The following SCT variants were observed in gnomAD, a reference collection of about 807,000 sequenced individuals.
The protein encoded by SCT is prepro-secretin.
In SCT, 17 loss-of-function variants were observed where a neutral mutation model predicts 10.9. That is an observed-to-expected ratio of 1.55 (90% CI 1.06 to 2.33). The LOEUF (loss-of-function observed/expected upper bound fraction) is 2.33, where lower values mean the gene tolerates loss of function less well. Ranked by LOEUF, SCT falls within the 30% of genes most tolerant of loss-of-function variation. The pLI is 0.00. For synonymous variants in SCT, 96 were observed against 73.9 expected, an observed-to-expected ratio of 1.30 and a Z score of -1.54; for missense variants, 230 against 165.9, an observed-to-expected ratio of 1.39 and a Z score of -2.12.
chr11:626,792 GC>G lies in SCT; in HGVS notation c.174-4del, dbSNP rs979298388. 1.3e-6 allele frequency: 2 copies of G among 1,548,970 alleles called. No homozygotes were observed. Among genetic ancestry groups the G allele is most frequent in the Non-Finnish European group, 1.7e-6 (2 of 1,145,796 alleles). On this transcript the variant is annotated splice_region_variant and splice_polypyrimidine_tract_variant and intron_variant, in intron 2 of 3. Transcript: ENST00000176195. ...TGCTGTTCTCTGCGTCCTGCTCGCT[GC>G]CCCCCGCCCCAAAACAGAGTTAGTC...
chr11:626,439 G>A lies in SCT; in HGVS notation c.358C>T (p.Pro120Ser). 1 of 1,552,284 alleles carries A rather than the reference G, an allele frequency of 6.4e-7. No homozygotes were observed. Among genetic ancestry groups the A allele is most frequent in the Non-Finnish European group, 8.7e-7 (1 of 1,147,380 alleles). Reference protein sequence around the residue: ...AGAAAEGTLRPR With the variant: ...AGAAAEGTLRSR ...GTGAGGGGGTTCCTTCCTCATCTGG[G>A]CCGCAAGGTTCCTTCTGCAGCAGCG... is the stretch of plus-strand genomic sequence containing the variant. Residue 120 changes from proline (P) to serine (S), a missense_variant, in exon 4 of 4, where the codon CCC (proline) becomes TCC (serine). Physicochemically the swap from Pro to Ser is moderately conservative, Grantham distance 74 (BLOSUM62 -1). Coordinates refer to ENST00000176195, the MANE Select transcript of SCT (RefSeq NM_021920.4).
At chr11:626,617 G>A in intron 3 of SCT, 80 bp downstream of exon 3, 2 of 1,474,412 alleles carry the variant, frequency 1.4e-6, no homozygotes, top group Non-Finnish European at 1.9e-6. Context: ...GGCCACCAGC[G>A]CTGACCCGGG....
rs1432935180 is a variant in SCT, at chr11:626,826, T to TG, written c.174-38dup. Reference sequence around the variant, plus strand: ...CCCAAAACAGAGTTAGTCCTGGAGCTGGGGGGTCGCGCGTTGCTGCTGGGG... The same window carrying TG: ...CCCAAAACAGAGTTAGTCCTGGAGCTGGGGGGGTCGCGCGTTGCTGCTGGGG... On this transcript the variant is annotated intron_variant, in intron 2 of 3. Coordinates refer to ENST00000176195, the MANE Select transcript of SCT (RefSeq NM_021920.4). 1.1e-5 allele frequency: 17 copies of TG among 1,545,974 alleles called. No homozygotes were observed. In the East Asian group the frequency reaches 1.2e-4, roughly 11 times the overall value.
In SCT at chr11:627,076, GGGGGCGC is replaced by G. The variant is rs1160165144; in HGVS notation, c.61_67del (p.Ala21ProfsTer134). On this transcript the variant is annotated frameshift_variant, in exon 1 of 4. Transcript: ENST00000176195. LOFTEE classifies it high-confidence loss of function. ...GCGGGCCTGGCGGGCGGCTCACCTG[GGGGGCGC>G]GGGGCGCGCGGCGGAGCCCCCGAGG... The G allele has an allele frequency of 9.6e-6, 11 of 1,143,418 alleles. No homozygotes were observed. The highest frequency in any genetic ancestry group is 1.6e-5 in the African/African-American group (1 of 61,118). The allele number at this position is 1,143,418 out of a possible 1,614,324, so 70.8% of individuals were successfully genotyped here. A position where few individuals can be genotyped will look rare whatever the true frequency, so the allele number is the denominator to read the frequency against.
Position 626,964 on chromosome 11 carries a change from A to G in SCT, c.97T>C (p.Phe33Leu), listed in dbSNP as rs766277293. The G allele has an allele frequency of 1.1e-5, 16 of 1,454,854 alleles. No homozygotes were observed. The South Asian group carries it at 1.4e-4, about 13-fold the overall frequency. The allele number at this position is 1,454,854 out of a possible 1,614,324, so 90.1% of individuals were successfully genotyped here. A position where few individuals can be genotyped will look rare whatever the true frequency, so the allele number is the denominator to read the frequency against. ...PRARRHSDGT[F>L]TSELSRLREG... Reference sequence around the variant, plus strand: ...CGCAGGCGGCTGAGCTCGCTGGTGAACGTCCCGTCTGAGTGTCGCCGGGCC... The same window carrying G: ...CGCAGGCGGCTGAGCTCGCTGGTGAGCGTCCCGTCTGAGTGTCGCCGGGCC... Residue 33 changes from phenylalanine (F) to leucine (L), a missense_variant, in exon 2 of 4, where the codon TTC becomes CTC. By Grantham distance (22) the Phe-to-Leu change is conservative. Transcript: ENST00000176195.
Position 626,488 on chromosome 11 carries a change from CCCAGGGGGCAG to C in SCT, c.298_308del (p.Leu100AlafsTer?). The C allele has an allele frequency of 6.4e-7, 1 of 1,560,776 alleles. No homozygotes were observed. On this transcript the variant is annotated frameshift_variant, in exon 4 of 4. Coordinates refer to ENST00000176195, the MANE Select transcript of SCT (RefSeq NM_021920.4). LOFTEE classifies it low-confidence loss of function (END_TRUNC). Reference sequence around the variant, plus strand: ...CGCCAGCTGGTTCTGAAACCATAGGCCCAGGGGGCAGCCAGGGAGACCAGGTCCCGTCCAGG... The same window carrying C: ...CGCCAGCTGGTTCTGAAACCATAGGCCCAGGGAGACCAGGTCCCGTCCAGG...
chr11:626,939 C>G lies in SCT; in HGVS notation c.122G>C (p.Arg41Pro), dbSNP rs1266249409. ...CAGCCGCTGGAGCCGCGCGCCCTCC[C>G]GCAGGCGGCTGAGCTCGCTGGTGAA... Reference protein sequence around the residue: ...GTFTSELSRLREGARLQRLLQ... With the variant: ...GTFTSELSRLPEGARLQRLLQ... Residue 41 changes from arginine to proline, a missense_variant, in exon 2 of 4, where the codon CGG becomes CCG. By Grantham distance (103) the Arg-to-Pro change is moderately radical (BLOSUM62 -2). Coordinates refer to ENST00000176195, the MANE Select transcript of SCT (RefSeq NM_021920.4). 3 of 1,535,616 alleles carry G rather than the reference C, an allele frequency of 2.0e-6. No individual in the cohort carries two copies. The highest frequency in any genetic ancestry group is 2.6e-6 in the Non-Finnish European group (3 of 1,145,766).
rs952364068 is a variant in SCT at position 627,076 on chromosome 11, G to C, written c.68C>G (p.Pro23Arg). The change falls in exon 1 of 4, where the codon CCC becomes CGC. Residue 23 changes from proline (P) to arginine (R), a missense_variant. Transcript: ENST00000176195. ...LGGSAARPAPPRARRHSDGTF... is the reference protein window; with the variant it reads ...LGGSAARPAPRRARRHSDGTF... The stretch of plus-strand genomic sequence containing the variant: ...GCGGGCCTGGCGGGCGGCTCACCTG[G>C]GGGGCGCGGGGCGCGCGGCGGAGCC... 8.7e-7 allele frequency: 1 copy of C among 1,143,410 alleles called. No individual in the cohort carries two copies. The highest frequency in any genetic ancestry group is 1.6e-5 in the African/African-American group (1 of 61,118). 70.8% of individuals were successfully genotyped at this position (1,143,410 alleles called of 1,614,324 possible). A position where few individuals can be genotyped will look rare whatever the true frequency, so the allele number is the denominator to read the frequency against.
At position 626,790 on chromosome 11, in the gene SCT, C is replaced by A; in HGVS notation, c.174-1G>T. 1 of 1,549,430 alleles carries A rather than the reference C, an allele frequency of 6.5e-7. No individual in the cohort carries two copies. Among genetic ancestry groups the A allele is most frequent in the Admixed American group, 2.0e-5 (1 of 50,952 alleles). ...CATGCTGTTCTCTGCGTCCTGCTCG[C>A]TGCCCCCCGCCCCAAAACAGAGTTA... On this transcript the variant is annotated splice_acceptor_variant, in intron 2 of 3. Coordinates refer to ENST00000176195, the MANE Select transcript of SCT (RefSeq NM_021920.4). LOFTEE classifies it high-confidence loss of function.
At position 626,784 on chromosome 11, in the gene SCT, T is replaced by C; in HGVS notation, c.179A>G (p.Gln60Arg). ...LQGLVGKRSE[Q>R]DAENSMAWTR... ...CCAGGCCATGCTGTTCTCTGCGTCC[T>C]GCTCGCTGCCCCCCGCCCCAAAACA... Residue 60 changes from glutamine to arginine, a missense_variant, in exon 3 of 4, where the codon CAG becomes CGG. By Grantham distance (43) the Gln-to-Arg change is conservative. Coordinates refer to ENST00000176195, the MANE Select transcript of SCT (RefSeq NM_021920.4). 1 of 1,549,658 alleles carries C rather than the reference T, an allele frequency of 6.5e-7. No individual in the cohort carries two copies. Among genetic ancestry groups the C allele is most frequent in the Non-Finnish European group, 8.7e-7 (1 of 1,146,252 alleles).
Position 626,445 on chromosome 11 carries a change from A to G in SCT, c.352T>C (p.Leu118=). ...GGGTTCCTTCCTCATCTGGGCCGCA[A>G]GGTTCCTTCTGCAGCAGCGCCAGCT... ...EPAGAAAEGT[L]RPR Residue 118 remains leucine (L), a synonymous_variant, in exon 4 of 4, where the codon TTG becomes CTG. Coordinates refer to ENST00000176195, the MANE Select transcript of SCT (RefSeq NM_021920.4). The G allele has an allele frequency of 1.3e-6, 2 of 1,553,172 alleles. No homozygotes were observed. Among genetic ancestry groups the G allele is most frequent in the Non-Finnish European group, 1.7e-6 (2 of 1,147,874 alleles).
At chr11:626,565 G>A in intron 3 of SCT, 35 bp from the exon 4 acceptor site, 4 of 1,525,128 alleles carry the variant, frequency 2.6e-6, no homozygotes, top group Non-Finnish European at 3.6e-6. Context: ...TGAGGGCTGG[G>A]GCTGGAGACC....
In SCT at chr11:626,766, A is replaced by G. The variant is rs1374873478; in HGVS notation, c.197T>C (p.Met66Thr). 2.6e-6 allele frequency: 4 copies of G among 1,550,360 alleles called. No homozygotes were observed. The African/African-American group carries it at 4.1e-5, about 16-fold the overall frequency. Reference protein sequence around the residue: ...KRSEQDAENSMAWTRLSAGLL... With the variant: ...KRSEQDAENSTAWTRLSAGLL... ...ACCCGCGCTGAGCCTGGTCCAGGCC[A>G]TGCTGTTCTCTGCGTCCTGCTCGCT... The change falls in exon 3 of 4, where the codon ATG (methionine) becomes ACG (threonine). Residue 66 changes from methionine to threonine, a missense_variant. Met to Thr is a moderately conservative substitution (Grantham distance 81, BLOSUM62 -1). Coordinates refer to ENST00000176195, the MANE Select transcript of SCT (RefSeq NM_021920.4).
chr11:626,854 C>T lies in SCT; in HGVS notation c.173+34G>A, dbSNP rs1466475189. The T allele has an allele frequency of 7.1e-6, 11 of 1,543,302 alleles. 1 individual carries two copies. The Admixed American group carries it at 2.0e-4, about 28-fold the overall frequency. On this transcript the variant is annotated intron_variant, in intron 2 of 3. Coordinates refer to ENST00000176195, the MANE Select transcript of SCT (RefSeq NM_021920.4). ...GGGGTCGCGCGTTGCTGCTGGGGCA[C>T]CACGCCAGGACCCCCCACCCCACCC...
rs747885474 is a variant in SCT, at chr11:626,395, C to G, written c.*36G>C. Reference sequence around the variant, plus strand: ...GCCCCCCACCCCAAATGCAGCTGCGCTCCTGGGCCGGGCAGGTGGTGAGGG... The same window carrying G: ...GCCCCCCACCCCAAATGCAGCTGCGGTCCTGGGCCGGGCAGGTGGTGAGGG... On this transcript the variant is annotated 3_prime_UTR_variant, in exon 4 of 4. Coordinates refer to ENST00000176195, the MANE Select transcript of SCT (RefSeq NM_021920.4). 1.3e-6 allele frequency: 2 copies of G among 1,497,988 alleles called. No homozygotes were observed. Among genetic ancestry groups the G allele is most frequent in the Admixed American group, 3.9e-5 (2 of 50,742 alleles). The allele number at this position is 1,497,988 out of a possible 1,614,324, so 92.8% of individuals were successfully genotyped here.
At chr11:626,554 C>T (rs1217799924) in intron 3 of SCT, 24 bp from the exon 4 acceptor site, 2 of 1,541,686 alleles carry the variant, frequency 1.3e-6, no homozygotes, top group South Asian at 1.2e-5. Context: ...ACGTGAGGGT[C>T]TGAGGGCTGG....
At chr11:627,050 G>T in intron 1 of SCT, 23 bp downstream of exon 1, 1 of 1,184,316 alleles carries the variant, frequency 8.4e-7, no homozygotes, top group Non-Finnish European at 1.1e-6. Flanking sequence ...CCGGGGGGCG[G>T]GCGGGCCTGG....
rs768979432 is a variant in SCT, at chr11:627,140, C to G, written c.4G>C (p.Ala2Pro). Residue 2 changes from alanine to proline, a missense_variant, in exon 1 of 4, where the codon GCC (alanine) becomes CCC (proline). Coordinates refer to ENST00000176195, the MANE Select transcript of SCT (RefSeq NM_021920.4). ...AGCAGCAGCAGGAGGGGCCGGGGGG[C>G]CATGGCGGGGTCGGGGCGCAGGAGC... M[A>P]PRPLLLLLLL... 1.8e-6 allele frequency: 2 copies of G among 1,088,160 alleles called. No homozygotes were observed. The highest frequency in any genetic ancestry group is 4.0e-4 in the Middle Eastern group (1 of 2,520). The allele number at this position is 1,088,160 out of a possible 1,614,324, so 67.4% of individuals were successfully genotyped here. A position where few individuals can be genotyped will look rare whatever the true frequency, so the allele number is the denominator to read the frequency against.
Position 626,388 on chromosome 11 carries a change from AG to A in SCT, c.*42del. The stretch of plus-strand genomic sequence containing the variant: ...CCATCCTGCCCCCCACCCCAAATGC[AG>A]CTGCGCTCCTGGGCCGGGCAGGTGG... On this transcript the variant is annotated 3_prime_UTR_variant, in exon 4 of 4. Transcript: ENST00000176195. The A allele has an allele frequency of 6.9e-7, 1 of 1,450,436 alleles. No homozygotes were observed. Among genetic ancestry groups the A allele is most frequent in the Non-Finnish European group, 9.5e-7 (1 of 1,057,702 alleles). The allele number at this position is 1,450,436 out of a possible 1,614,324, so 89.8% of individuals were successfully genotyped here. A position where few individuals can be genotyped will look rare whatever the true frequency, so the allele number is the denominator to read the frequency against.
Sources: allele counts gnomAD v4.1 joint callset, GRCh38; gene constraint gnomAD v4.1.1; transcripts MANE v1.5; gene names NCBI Gene and HGNC (gene_info 2026-07-23, HGNC 2026-07-21).